The following RFC3 variants were observed in gnomAD, a reference collection of about 807,000 sequenced individuals.
RFC3 encodes the protein A1 38 kDa subunit.
Under a neutral mutation model 45.1 loss-of-function variants are expected in RFC3, and 41 were observed. That is an observed-to-expected ratio of 0.91 (90% confidence interval 0.71 to 1.18). The LOEUF is 1.18. Among genes scored for constraint, RFC3 ranks in the 50% most tolerant of loss-of-function variants. The pLI is 0.00. For synonymous variants in RFC3, 149 were observed against 144.0 expected, an observed-to-expected ratio of 1.03 and a Z score of -0.25; for missense variants, 423 against 428.1, an observed-to-expected ratio of 0.99 and a Z score of 0.10.
intron 8 of RFC3, among the ~76,000 whole-genome samples, chr13:33,890,623 A>G (rs922766175): frequency 2.6e-5 from 4 of 152,162 alleles, no homozygotes; most frequent in African/African-American, 7.2e-5. Context: ...ATGTTTATTT[A>G]TCATTTACTA....
intron 8 of RFC3, among the ~76,000 whole-genome samples, chr13:33,862,173 C>G (rs2137538726): frequency 6.6e-6 from 1 of 152,086 alleles, no homozygotes; most frequent in Non-Finnish European, 1.5e-5. Context: ...GGTCTCTAGC[C>G]CTGTCGGCAT....
At chr13:33,819,101 A>G (rs1001657799) in intron 1 of RFC3, among the ~76,000 whole-genome samples, 2 of 152,062 alleles carry the variant, frequency 1.3e-5, no homozygotes, top group African/African-American at 4.8e-5. Context: ...CACGTTGGCC[A>G]GGCTGGTCTC....
intron 1 of RFC3, among the ~76,000 whole-genome samples, chr13:33,818,694 T>G (rs867941046): frequency 2.6e-5 from 4 of 152,108 alleles, no homozygotes; most frequent in South Asian, 2.1e-4. Flanking sequence ...ACCCAGTCAG[T>G]CTCAGAATAA....
chr13:33,951,334 C>T lies in RFC3; in HGVS notation c.880-14753C>T, dbSNP rs923191478. ...TGCAACCTCTGCCTCCTGGTTCAAGCGATTCCCCTGCCTCAGCCTCCCGAG... is the reference window on the plus strand; with the variant it reads ...TGCAACCTCTGCCTCCTGGTTCAAGTGATTCCCCTGCCTCAGCCTCCCGAG... On this transcript the variant is annotated intron_variant, in intron 8 of 8. Transcript: ENST00000434425. Among the ~76,000 whole-genome samples, 8 of 150,966 alleles carry T rather than the reference C, an allele frequency of 5.3e-5. No individual in the cohort carries two copies. In the South Asian group the frequency reaches 8.4e-4, roughly 16 times the overall value.
At chr13:33,857,462 G>C (rs2082315049) in intron 8 of RFC3, among the ~76,000 whole-genome samples, 1 of 152,184 alleles carries the variant, frequency 6.6e-6, no homozygotes, top group African/African-American at 2.4e-5. Flanking sequence ...TCAGTGCAGG[G>C]TGTGGGCTCA....
At chr13:33,900,833 C>CAA (rs56329636) in intron 8 of RFC3, among the ~76,000 whole-genome samples, 29 of 140,898 alleles carry the variant, frequency 2.1e-4, no homozygotes, top group East Asian at 6.2e-4. Context: ...AACTGAATAG[C>CAA]AAAAAAAAAA....
At chr13:33,934,097 GTGAGCTCAGGAGTTTGAGCT>G (rs1220952737) in intron 8 of RFC3, among the ~76,000 whole-genome samples, 8 of 152,058 alleles carry the variant, frequency 5.3e-5, no homozygotes, top group Non-Finnish European at 7.4e-5. Flanking sequence ...GGAGGATGGC[GTGAGCTCAGGAGTTTGAGCT>G]TGAGCTCAGG....
At chr13:33,833,764 G>A (rs527582957) in intron 7 of RFC3, among the ~76,000 whole-genome samples, 1 of 151,944 alleles carries the variant, frequency 6.6e-6, no homozygotes, top group East Asian at 1.9e-4. Context: ...TTATTCTTGG[G>A]ATGTCAGAGA....
At chr13:33,835,597 TTTCTA>T in intron 8 of RFC3, 1 of 399,602 alleles carries the variant, frequency 2.5e-6, no homozygotes, top group Non-Finnish European at 4.8e-6. Context: ...ACAGACCTCT[TTTCTA>T]TTCACATAGA....
At chr13:33,870,159 A>G (rs770449143) in intron 8 of RFC3, among the ~76,000 whole-genome samples, 2 of 152,234 alleles carry the variant, frequency 1.3e-5, no homozygotes, top group African/African-American at 2.4e-5. Context: ...ATTGAAAGCA[A>G]TGAACAGCTC....
Position 33,818,268 on chromosome 13 carries a change from G to T in RFC3, c.87+3G>T. On this transcript the variant is annotated splice_donor_region_variant and intron_variant, in intron 1 of 8. Coordinates refer to ENST00000380071, the MANE Select transcript of RFC3 (RefSeq NM_002915.4). ...AGGCGGCCCAGCTGCGGAACCTGGT[G>T]AGTCTGCGGGGGCCGGGAGCGTGGG... 7 of 1,613,188 alleles carry T rather than the reference G, an allele frequency of 4.3e-6. No homozygotes were observed. The highest frequency in any genetic ancestry group is 1.3e-5 in the African/African-American group (1 of 75,058).
chr13:33,936,125 T>G (rs1339496598), intron 8 of RFC3, among the ~76,000 whole-genome samples: 1 of 152,128 alleles, frequency 6.6e-6, no homozygotes, highest in Non-Finnish European at 1.5e-5. Context: ...GCAGAAAGCC[T>G]TGGTCTTATG....
intron 8 of RFC3, among the ~76,000 whole-genome samples, chr13:33,950,632 C>CTG (rs1566039995): frequency 1.3e-5 from 2 of 152,204 alleles, no homozygotes; most frequent in Non-Finnish European, 2.9e-5. Context: ...ATGAGGCCAA[C>CTG]ACACAGGTCA....
At chr13:33,819,251 T>C (rs952162941) in intron 1 of RFC3, among the ~76,000 whole-genome samples, 3 of 152,210 alleles carry the variant, frequency 2.0e-5, no homozygotes, top group African/African-American at 7.2e-5. Context: ...TTGTCTGTTG[T>C]AGTTGATAAA....
At chr13:33,820,903 ATATATATATT>A (rs71681023) in intron 1 of RFC3, among the ~76,000 whole-genome samples, 5,971 of 49,718 alleles carry the variant, frequency 0.12, 300 homozygotes, top group African/African-American at 0.32. Context: ...ACTTTTCAGC[ATATATATATT>A]TATATATATA....
chr13:33,921,674 A>G (rs1230728702), intron 8 of RFC3, among the ~76,000 whole-genome samples: 1 of 152,052 alleles, frequency 6.6e-6, no homozygotes, highest in Non-Finnish European at 1.5e-5. Context: ...TTGCAGCAAC[A>G]CAGCACCCTC....
chr13:33,855,461 T>C (rs1216184387), intron 8 of RFC3, among the ~76,000 whole-genome samples: 1 of 152,172 alleles, frequency 6.6e-6, no homozygotes, highest in African/African-American at 2.4e-5. Flanking sequence ...GTCTTTATGA[T>C]AGAAGGATTT....
At chr13:33,904,533 C>T (rs1255321556) in intron 8 of RFC3, among the ~76,000 whole-genome samples, 1 of 151,962 alleles carries the variant, frequency 6.6e-6, no homozygotes, top group Non-Finnish European at 1.5e-5. Flanking sequence ...GTTTTCCTAC[C>T]TCCAGTCTTT....
chr13:33,842,203 A>T (rs532425378), downstream of RFC3, among the ~76,000 whole-genome samples: 1 of 152,024 alleles, frequency 6.6e-6, no homozygotes, highest in South Asian at 2.1e-4. Flanking sequence ...TGGGAGGATT[A>T]CTTGAATCTA....
Sources: gnomAD v4.1 joint callset for allele counts (sites outside exome capture counted in the v4.1 genomes callset) on GRCh38, gnomAD v4.1.1 for gene constraint, MANE v1.5 for transcripts, NCBI Gene and HGNC (gene_info 2026-07-23, HGNC 2026-07-21) for gene names.